Variants in TXNL4A observed in about 807,000 individuals in gnomAD.
TXNL4A encodes the protein thioredoxin like 4A.
In TXNL4A, 17 loss-of-function variants were observed where a neutral mutation model predicts 14.6. That is an observed-to-expected ratio of 1.16 (90% CI 0.80 to 1.74). The LOEUF is 1.74. Among genes scored for constraint, TXNL4A ranks in the 40% most tolerant of loss-of-function variants. TXNL4A has a pLI of 0.00. For synonymous variants in TXNL4A, 83 were observed against 70.6 expected (o/e 1.18, Z -0.88); for missense variants, 74 against 195.2 (o/e 0.38, Z 3.70).
intron 1 of TXNL4A, among the ~76,000 whole-genome samples, chr18:80,004,460 G>T (rs1285186589): frequency 3.9e-5 from 6 of 152,220 alleles, no homozygotes; most frequent in Non-Finnish European, 5.9e-5. Flanking sequence ...GGCACCGAGT[G>T]CTCCCTGTCT....
At chr18:80,018,534 A>T (rs1367501271) in intron 1 of TXNL4A, among the ~76,000 whole-genome samples, 1 of 152,208 alleles carries the variant, frequency 6.6e-6, no homozygotes, top group African/African-American at 2.4e-5. Context: ...TCAAAAAATT[A>T]ATGAATCCAG....
At chr18:80,018,324 A>G (rs1396342763) in intron 1 of TXNL4A, among the ~76,000 whole-genome samples, 6 of 152,216 alleles carry the variant, frequency 3.9e-5, no homozygotes, top group Middle Eastern at 3.2e-3. Context: ...TCTCTGGGAC[A>G]CATTCAAAGC....
At position 79,973,911 on chromosome 18, in the gene TXNL4A, T is replaced by C. The variant is rs2051339193; in HGVS notation, c.258-55A>G. On this transcript the variant is annotated intron_variant, in intron 2 of 2. Transcript: ENST00000269601. ...CATAGAAGTCTCTTTAAAAAAGAATTCCTTGAAAACAATGCCGTATTTTTC... is the reference window on the plus strand; with the variant it reads ...CATAGAAGTCTCTTTAAAAAAGAATCCCTTGAAAACAATGCCGTATTTTTC... 3.8e-6 allele frequency: 6 copies of C among 1,589,142 alleles called. No individual in the cohort carries two copies. In the South Asian group the frequency reaches 5.7e-5, roughly 15 times the overall value.
intron 1 of TXNL4A, among the ~76,000 whole-genome samples, chr18:79,978,269 A>C (rs939327451): frequency 4.0e-4 from 61 of 152,196 alleles, no homozygotes; most frequent in Non-Finnish European, 5.1e-4. Flanking sequence ...ACAAATAGTT[A>C]CATGCATCTC....
chr18:80,009,934 C>T (rs1438152512), intron 1 of TXNL4A, among the ~76,000 whole-genome samples: 1 of 152,114 alleles, frequency 6.6e-6, no homozygotes, highest in African/African-American at 2.4e-5. Flanking sequence ...TAAACTTCAC[C>T]ATTTTGCCTC....
At chr18:80,033,915 T>A (rs2051947017) in exon 1 of TXNL4A, 1 of 144,480 alleles carries the variant, frequency 6.9e-6, no homozygotes, top group Admixed American at 7.0e-5. Context: ...CACCTCGCGC[T>A]GCCCTTCTCG....
At chr18:79,975,761 T>C (rs981209422) in intron 2 of TXNL4A, among the ~76,000 whole-genome samples, 4 of 151,786 alleles carry the variant, frequency 2.6e-5, no homozygotes, top group Non-Finnish European at 4.4e-5. Flanking sequence ...TCCGCAGTTA[T>C]AGGAAGTCAG....
At chr18:80,023,048 C>T (rs887913306) in intron 1 of TXNL4A, among the ~76,000 whole-genome samples, 1 of 152,208 alleles carries the variant, frequency 6.6e-6, no homozygotes, top group African/African-American at 2.4e-5. Context: ...TTGGCTTCCC[C>T]TGCTATGGCC....
At position 80,032,779 on chromosome 18, in the gene TXNL4A, G is replaced by A. The variant is rs2051931208; in HGVS notation, c.-61+1072C>T. Reference sequence around the variant, plus strand: ...TGTTTGAACCTGGAAGGTGGAGGTTGCAGTGAGCCGGGATCACGCCAGTGC... The same window carrying A: ...TGTTTGAACCTGGAAGGTGGAGGTTACAGTGAGCCGGGATCACGCCAGTGC... On this transcript the variant is annotated intron_variant, in intron 1 of 2. Coordinates refer to the TXNL4A transcript ENST00000585474. 2.0e-5 allele frequency among the ~76,000 whole-genome samples: 3 copies of A among 152,232 alleles called. No homozygotes were observed. The South Asian group carries it at 6.2e-4, about 31-fold the overall frequency.
intron 1 of TXNL4A, among the ~76,000 whole-genome samples, chr18:80,013,121 AATT>A (rs1423940870): frequency 8.0e-5 from 11 of 138,012 alleles, no homozygotes; most frequent in Admixed American, 7.2e-5. Context: ...GAAAAAAAAA[AATT>A]TTTTTTTTTT....
intron 1 of TXNL4A, among the ~76,000 whole-genome samples, chr18:80,005,264 C>T (rs1349841841): frequency 2.0e-5 from 3 of 152,228 alleles, no homozygotes; most frequent in East Asian, 3.9e-4. Context: ...CACCAGATGC[C>T]AGTGGTGGCC....
intron 1 of TXNL4A, chr18:79,986,789 C>G (rs891162195): frequency 1.0e-6 from 1 of 985,078 alleles, no homozygotes; most frequent in African/African-American, 1.7e-5. Flanking sequence ...GAATTCATAA[C>G]TCAAAGTCAA....
chr18:80,013,583 C>T (rs1041264883), intron 1 of TXNL4A, among the ~76,000 whole-genome samples: 26 of 152,060 alleles, frequency 1.7e-4, no homozygotes, highest in African/African-American at 5.6e-4. Flanking sequence ...TACTGGCATG[C>T]GCCACCACGC....
chr18:79,992,814 T>A (rs760628749), upstream of TXNL4A, among the ~76,000 whole-genome samples: 27 of 151,272 alleles, frequency 1.8e-4, no homozygotes, highest in Non-Finnish European at 2.9e-4. Flanking sequence ...TTGTTATGTT[T>A]TGTCTATGTT....
At chr18:79,986,960 T>C (rs2051559644) in intron 1 of TXNL4A, among the ~76,000 whole-genome samples, 1 of 152,224 alleles carries the variant, frequency 6.6e-6, no homozygotes, top group Non-Finnish European at 1.5e-5. Flanking sequence ...CCCCAGCGTG[T>C]GAGAGAACTG....
intron 1 of TXNL4A, among the ~76,000 whole-genome samples, chr18:80,001,246 T>G (rs1362423904): frequency 2.0e-5 from 3 of 152,158 alleles, no homozygotes; most frequent in African/African-American, 7.2e-5. Flanking sequence ...AAGTCAAGAA[T>G]TGAGGTTTGG....
At chr18:80,015,439 C>T (rs1015690761) in intron 1 of TXNL4A, among the ~76,000 whole-genome samples, 31 of 151,208 alleles carry the variant, frequency 2.1e-4, no homozygotes, top group East Asian at 5.8e-4. Flanking sequence ...TATACATGTG[C>T]CATGCTGGTG....
At chr18:80,026,946 G>C (rs2145130240) in intron 1 of TXNL4A, among the ~76,000 whole-genome samples, 1 of 152,296 alleles carries the variant, frequency 6.6e-6, no homozygotes, top group South Asian at 2.1e-4. Flanking sequence ...TTGTGACCAG[G>C]AAAATGAATT....
intron 1 of TXNL4A, among the ~76,000 whole-genome samples, chr18:80,012,915 C>T (rs921695281): frequency 4.0e-5 from 6 of 151,780 alleles, no homozygotes; most frequent in African/African-American, 9.7e-5. Flanking sequence ...GGCGGCCGGC[C>T]GCCCCCTCGC....
Sources: allele counts gnomAD v4.1 joint callset (sites outside exome capture counted in the v4.1 genomes callset), GRCh38; gene constraint gnomAD v4.1.1; transcripts MANE v1.5; gene names NCBI Gene and HGNC (gene_info 2026-07-23, HGNC 2026-07-21).